ZC3H12A: variants seen among roughly 807,000 people sequenced by gnomAD.
ZC3H12A encodes endoribonuclease ZC3H12A.
ZC3H12A carries 9 observed loss-of-function variants against 29.9 expected under a neutral mutation model. The ratio of observed to expected loss-of-function variants is 0.30; its 90% CI spans 0.18 to 0.53. The LOEUF is 0.53. ZC3H12A is among the 20% of genes least tolerant of loss of function. The pLI, the probability that ZC3H12A is intolerant of heterozygous loss-of-function variation, is 0.96. For missense variants in ZC3H12A, 617 were observed against 799.0 expected (o/e 0.77, Z 2.75); for synonymous variants, 323 against 338.1 (o/e 0.96, Z 0.49).
intron 2 of ZC3H12A, 122 bp from the exon 3 acceptor site, chr1:37,480,168 G>A: frequency 6.8e-7 from 1 of 1,476,392 alleles, no homozygotes; most frequent in African/African-American, 1.4e-5. Context: ...GGAAGGGACT[G>A]CTCACTACCA....
Position 37,479,672 on chromosome 1 carries a change from C to T in ZC3H12A, c.444-618C>T, listed in dbSNP as rs762356179. 4 of 985,268 alleles carry T rather than the reference C, an allele frequency of 4.1e-6. No homozygotes were observed. Among genetic ancestry groups the T allele is most frequent in the South Asian group, 4.7e-5 (1 of 21,294 alleles). The allele number at this position is 985,268 out of a possible 1,614,324, so 61.0% of individuals were successfully genotyped here. A position where few individuals can be genotyped will look rare whatever the true frequency, so the allele number is the denominator to read the frequency against. On this transcript the variant is annotated intron_variant, in intron 2 of 5. Coordinates refer to ENST00000373087, the MANE Select transcript of ZC3H12A (RefSeq NM_025079.3). The surrounding 1 kb of genome is among the most constrained non-coding windows in gnomAD (Gnocchi z 4.5). ...TCTGTCCCATGCTGAAGGCTGGAGT[C>T]GCCAGCCCCTTCCCCTTTGCCTTTC...
chr1:37,475,579 G>A lies in ZC3H12A; in HGVS notation c.83G>A (p.Arg28His). The change falls in exon 2 of 6, where the codon CGT (arginine) becomes CAT (histidine). Residue 28 changes from arginine to histidine, a missense_variant. This residue lies in a region of ZC3H12A where 67 missense variants were observed against 56.2 expected (regional missense o/e 1.19). Coordinates refer to ENST00000373087, the MANE Select transcript of ZC3H12A (RefSeq NM_025079.3). This position sits in a 1 kb window ranked among gnomAD's most constrained non-coding sequence, Gnocchi z 5.2. ...TGGGAATTTGAGGACAGCCACAGCC[G>A]TCAGGGCACCCCAAGGCCGGGTCAA... ...SLWEFEDSHS[R>H]QGTPRPGQEL... is the part of the protein sequence containing the mutation. 12 of 1,613,962 alleles carry A rather than the reference G, an allele frequency of 7.4e-6. No individual in the cohort carries two copies. Among genetic ancestry groups the A allele is most frequent in the East Asian group, 2.2e-5 (1 of 44,888 alleles).
chr1:37,482,930 G>A lies in ZC3H12A; in HGVS notation c.1119G>A (p.Gln373=). The A allele has an allele frequency of 1.2e-6, 2 of 1,613,662 alleles. No homozygotes were observed. The highest frequency in any genetic ancestry group is 1.7e-6 in the Non-Finnish European group (2 of 1,180,012). ...QSSSLLTESE[Q]CSLDGKKLGA... ...GCTCTCTGCTAACAGAGAGTGAGCA[G>A]TGCAGCCTGGATGGGAAGAAGCTGG... Residue 373 remains glutamine, a synonymous_variant, in exon 6 of 6, where the codon CAG becomes CAA. Transcript: ENST00000373087.
chr1:37,480,848 C>T (rs1037511306), intron 3 of ZC3H12A, among the ~76,000 whole-genome samples: 1 of 152,170 alleles, frequency 6.6e-6, no homozygotes, highest in Non-Finnish European at 1.5e-5. Context: ...AACATGGGGT[C>T]GGTGTCAGCA....
In ZC3H12A at chr1:37,481,809, G is replaced by A; in HGVS notation, c.792G>A (p.Leu264=). Residue 264 remains leucine, a synonymous_variant, in exon 4 of 6, where the codon CTG becomes CTA. Transcript: ENST00000373087. ...GGAAGCGCTTCATCGAGGAGCGGCT[G>A]CTCATGTACTCCTTCGTCAATGACA... ...QEWKRFIEER[L]LMYSFVNDKF... 6.2e-7 allele frequency: 1 copy of A among 1,614,162 alleles called. No homozygotes were observed. Among genetic ancestry groups the A allele is most frequent in the Non-Finnish European group, 8.5e-7 (1 of 1,179,998 alleles).
chr1:37,483,488 G>C lies in ZC3H12A; in HGVS notation c.1677G>C (p.Lys559Asn). Residue 559 changes from lysine (K) to asparagine (N), a missense_variant, in exon 6 of 6, where the codon AAG (lysine) becomes AAC (asparagine). Coordinates refer to ENST00000373087, the MANE Select transcript of ZC3H12A (RefSeq NM_025079.3). ...AGGAGCAGGCCAGCGTGTATACTAA[G>C]CTGTGTGGTGTGTTTCCCCCGCACC... is the stretch of plus-strand genomic sequence containing the variant. The part of the protein sequence containing the change: ...LAKEQASVYT[K>N]LCGVFPPHLV... 6.2e-7 allele frequency: 1 copy of C among 1,614,016 alleles called. No individual in the cohort carries two copies. Among genetic ancestry groups the C allele is most frequent in the Non-Finnish European group, 8.5e-7 (1 of 1,179,938 alleles).
rs1300333383 is a variant in ZC3H12A, at chr1:37,475,658, C to T, written c.162C>T (p.Phe54=). 5.6e-6 allele frequency: 9 copies of T among 1,614,058 alleles called. No homozygotes were observed. In the Admixed American group the frequency reaches 6.7e-5, roughly 12 times the overall value. Residue 54 remains phenylalanine, a synonymous_variant, in exon 2 of 6, where the codon TTC becomes TTT. Coordinates refer to ENST00000373087, the MANE Select transcript of ZC3H12A (RefSeq NM_025079.3). The surrounding 1 kb of genome is among the most constrained non-coding windows in gnomAD (Gnocchi z 5.2). ...TGGAACTGCAGATGAAGGTGGACTT[C>T]TTCCGGAAGCTGGGCTATTCATCCA... ...SALELQMKVD[F]FRKLGYSSTE... is the part of the protein sequence containing the mutation.
Position 37,483,823 on chromosome 1 carries a change from C to A in ZC3H12A, c.*212C>A. The stretch of plus-strand genomic sequence containing the variant: ...CCTCTAGCTGTCTGCCTCAGTGGGT[C>A]AGAAGCGATCACCCTGTTGATACAC... On this transcript the variant is annotated 3_prime_UTR_variant, in exon 6 of 6. Coordinates refer to ENST00000373087, the MANE Select transcript of ZC3H12A (RefSeq NM_025079.3). 1.6e-6 allele frequency: 1 copy of A among 608,380 alleles called. No individual in the cohort carries two copies. Among genetic ancestry groups the A allele is most frequent in the East Asian group, 2.8e-5 (1 of 35,996 alleles). 37.7% of individuals were successfully genotyped at this position (608,380 alleles called of 1,614,324 possible).
Position 37,476,335 on chromosome 1 carries a change from G to T in ZC3H12A, c.443+396G>T, listed in dbSNP as rs955155978. Among the ~76,000 whole-genome samples the T allele has an allele frequency of 3.9e-5, 6 of 152,206 alleles. No homozygotes were observed. The highest frequency in any genetic ancestry group is 1.4e-4 in the African/African-American group (6 of 41,446). On this transcript the variant is annotated intron_variant, in intron 2 of 5. Coordinates refer to ENST00000373087, the MANE Select transcript of ZC3H12A (RefSeq NM_025079.3). This position sits in a 1 kb window ranked among gnomAD's most constrained non-coding sequence, Gnocchi z 6.0. ...GGGAGTGTGCGGATCCCGGAGAGGAGCAAGCGTTCAGGAACCATAGTAGTG... is the reference window on the plus strand; with the variant it reads ...GGGAGTGTGCGGATCCCGGAGAGGATCAAGCGTTCAGGAACCATAGTAGTG...
intron 3 of ZC3H12A, among the ~76,000 whole-genome samples, chr1:37,481,165 C>T (rs1175378938): frequency 6.6e-6 from 1 of 152,168 alleles, no homozygotes; most frequent in Non-Finnish European, 1.5e-5. Flanking sequence ...GACCTTTTCC[C>T]ACCATGGGAT....
At position 37,479,743 on chromosome 1, in the gene ZC3H12A, C is replaced by T. The variant is rs576760276; in HGVS notation, c.444-547C>T. 4.1e-6 allele frequency: 4 copies of T among 985,298 alleles called. No homozygotes were observed. The highest frequency in any genetic ancestry group is 1.1e-4 in the East Asian group (1 of 8,824). 61.0% of individuals were successfully genotyped at this position (985,298 alleles called of 1,614,324 possible). A position where few individuals can be genotyped will look rare whatever the true frequency, so the allele number is the denominator to read the frequency against. On this transcript the variant is annotated intron_variant, in intron 2 of 5. Coordinates refer to ENST00000373087, the MANE Select transcript of ZC3H12A (RefSeq NM_025079.3). This position sits in a 1 kb window ranked among gnomAD's most constrained non-coding sequence, Gnocchi z 4.5. ...TGTGTGTGAGGACTGAACTTTAATCCGGAACAATCTGGTTTCTCCTCGGTC... is the reference window on the plus strand; with the variant it reads ...TGTGTGTGAGGACTGAACTTTAATCTGGAACAATCTGGTTTCTCCTCGGTC...
chr1:37,482,612 T>C, intron 5 of ZC3H12A, 72 bp downstream of exon 5: 1 of 1,607,970 alleles, frequency 6.2e-7, no homozygotes, highest in Non-Finnish European at 8.5e-7. Context: ...GCCTGTGCCC[T>C]GTTTTCCTCT....
Position 37,475,698 on chromosome 1 carries a change from G to A in ZC3H12A, c.202G>A (p.Val68Ile), listed in dbSNP as rs376883628. 40 of 1,614,010 alleles carry A rather than the reference G, an allele frequency of 2.5e-5. No homozygotes were observed. Among genetic ancestry groups the A allele is most frequent in the African/African-American group, 6.7e-5 (5 of 74,936 alleles). The change falls in exon 2 of 6, where the codon GTC (valine) becomes ATC (isoleucine). Residue 68 changes from valine (V) to isoleucine (I), a missense_variant. Around this residue, in one of 5 missense-constraint regions of ZC3H12A, gnomAD observed 255 missense variants for 402.5 expected, o/e 0.63. Transcript: ENST00000373087. The surrounding 1 kb of genome is among the most constrained non-coding windows in gnomAD (Gnocchi z 5.2). Reference sequence around the variant, plus strand: ...CTATTCATCCACGGAGATCCACAGCGTCCTGCAGAAGCTGGGCGTCCAGGC... The same window carrying A: ...CTATTCATCCACGGAGATCCACAGCATCCTGCAGAAGCTGGGCGTCCAGGC... Reference protein sequence around the residue: ...LGYSSTEIHSVLQKLGVQADT... With the variant: ...LGYSSTEIHSILQKLGVQADT...
rs754171051 is a variant in ZC3H12A, at chr1:37,483,205, G to A, written c.1394G>A (p.Arg465Gln). 1.6e-5 allele frequency: 26 copies of A among 1,613,414 alleles called. No homozygotes were observed. In the East Asian group the frequency reaches 3.1e-4, roughly 19 times the overall value. The change falls in exon 6 of 6, where the codon CGA (arginine) becomes CAA (glutamine). Residue 465 changes from arginine to glutamine, a missense_variant. Transcript: ENST00000373087. ...GGCCCTGGTGAGCCGGGCCCACCCC[G>A]AGCCCCTTACACGGGCTACAGTCCC... The part of the protein sequence containing the change: ...GGGPGEPGPP[R>Q]APYTGYSPYG...
chr1:37,477,645 T>C (rs1641617600), intron 2 of ZC3H12A, among the ~76,000 whole-genome samples: 1 of 152,238 alleles, frequency 6.6e-6, no homozygotes. Flanking sequence ...CCTTCTGTCC[T>C]GGGGCAGGAG....
At chr1:37,481,941 G>A (rs1641716240) in intron 4 of ZC3H12A, 106 bp downstream of exon 4, 1 of 1,170,478 alleles carries the variant, frequency 8.5e-7, no homozygotes, top group Non-Finnish European at 1.2e-6. Context: ...GGGCCCTGTG[G>A]CCATGGGAGG....
chr1:37,483,477 G>A lies in ZC3H12A; in HGVS notation c.1666G>A (p.Val556Met), dbSNP rs761812107. The A allele has an allele frequency of 1.2e-5, 19 of 1,614,052 alleles. No individual in the cohort carries two copies. The highest frequency in any genetic ancestry group is 1.7e-4 in the Middle Eastern group (1 of 6,054). The change falls in exon 6 of 6, where the codon GTG becomes ATG. Residue 556 changes from valine to methionine, a missense_variant. By Grantham distance (21) the Val-to-Met change is conservative. Transcript: ENST00000373087. Reference protein sequence around the residue: ...AGSLAKEQASVYTKLCGVFPP... With the variant: ...AGSLAKEQASMYTKLCGVFPP... ...CAGCCTGGCCAAGGAGCAGGCCAGCGTGTATACTAAGCTGTGTGGTGTGTT... is the reference window on the plus strand; with the variant it reads ...CAGCCTGGCCAAGGAGCAGGCCAGCATGTATACTAAGCTGTGTGGTGTGTT...
rs1359530141 is a variant in ZC3H12A, at chr1:37,475,185, G to A, written c.-38-274G>A. On this transcript the variant is annotated intron_variant, in intron 1 of 5. Coordinates refer to ENST00000373087, the MANE Select transcript of ZC3H12A (RefSeq NM_025079.3). The surrounding 1 kb of genome is among the most constrained non-coding windows in gnomAD (Gnocchi z 5.2). ...GGTTCGAGGCTTTACAGCTGGGGTA[G>A]TTCCAGTCTTAGTTCAGACTAAGTT... Among the ~76,000 whole-genome samples the A allele has an allele frequency of 1.3e-5, 2 of 152,230 alleles. No individual in the cohort carries two copies. The highest frequency in any genetic ancestry group is 2.4e-5 in the African/African-American group (1 of 41,462).
intron 5 of ZC3H12A, 55 bp downstream of exon 5, chr1:37,482,595 C>G: frequency 1.9e-6 from 3 of 1,609,208 alleles, no homozygotes; most frequent in Non-Finnish European, 1.7e-6. Context: ...CTTCCTCTCA[C>G]CTGTCTGCCT....
Sources: gnomAD v4.1 joint callset for allele counts (sites outside exome capture counted in the v4.1 genomes callset) on GRCh38, gnomAD v4.1.1 for gene constraint, gnomAD v4.1.1 regional missense constraint, Gnocchi (gnomAD v3.1) non-coding constraint, MANE v1.5 for transcripts, NCBI Gene and HGNC (gene_info 2026-07-23, HGNC 2026-07-21) for gene names.